The following SDK1 variants were observed in gnomAD, a reference collection of about 807,000 sequenced individuals.
SDK1 encodes the protein protein sidekick-1.
In SDK1, 157 loss-of-function variants were observed where a neutral mutation model predicts 245.5. That is an observed-to-expected ratio of 0.64 (90% CI 0.56 to 0.73). The LOEUF is 0.73. Among genes scored for constraint, SDK1 ranks in the 30% least tolerant of loss-of-function variants. The probability of loss-of-function intolerance (pLI) is 0.00; values close to 1 mark genes in which losing one functional copy is unlikely to be tolerated. For synonymous variants in SDK1, 1,647 were observed against 1,278.5 expected (o/e 1.29, Z -6.15); for missense variants, 3,583 against 3,002.3 (o/e 1.19, Z -4.52).
chr7:4,110,506 C>T (rs937016438), intron 22 of SDK1, among the ~76,000 whole-genome samples, 157 bp from the exon 23 acceptor site: 3 of 152,172 alleles, frequency 2.0e-5, no homozygotes, highest in African/African-American at 7.2e-5. Context: ...ATCTCCAAGG[C>T]ACAAGAGGGG....
chr7:3,487,961 C>G (rs955894465), intron 1 of SDK1, among the ~76,000 whole-genome samples: 1 of 152,028 alleles, frequency 6.6e-6, no homozygotes, highest in Non-Finnish European at 1.5e-5. Context: ...GCATCTGTGT[C>G]TGTGGTATTG....
At chr7:4,253,283 C>CT (rs1349212624) in intron 44 of SDK1, among the ~76,000 whole-genome samples, 1 of 152,126 alleles carries the variant, frequency 6.6e-6, no homozygotes, top group Non-Finnish European at 1.5e-5. Context: ...AAATTCCCCT[C>CT]TAAGCACTGT....
chr7:3,883,604 A>C (rs553180529), intron 5 of SDK1, among the ~76,000 whole-genome samples: 13 of 152,320 alleles, frequency 8.5e-5, no homozygotes, highest in African/African-American at 3.1e-4. Context: ...CAGATCGTGC[A>C]GGCCTTTGAC....
Position 4,210,086 on chromosome 7 carries a change from C to A in SDK1, c.5463C>A (p.Ser1821=). 5.6e-6 allele frequency: 9 copies of A among 1,610,858 alleles called. No homozygotes were observed. The highest frequency in any genetic ancestry group is 7.6e-6 in the Non-Finnish European group (9 of 1,178,796). ...TAACCTCCACCACGCTCAACGTGTCCTGGGGCGAGCCTGCGGCGGCCAACG... is the reference window on the plus strand; with the variant it reads ...TAACCTCCACCACGCTCAACGTGTCATGGGGCGAGCCTGCGGCGGCCAACG... The part of the protein sequence containing the change: ...SEITSTTLNV[S]WGEPAAANGI... The change falls in exon 38 of 45, where the codon TCC becomes TCA. Residue 1821 remains serine (S), a synonymous_variant. Coordinates refer to ENST00000404826, the MANE Select transcript of SDK1 (RefSeq NM_152744.4).
intron 1 of SDK1, among the ~76,000 whole-genome samples, chr7:3,486,465 C>A (rs1473596765): frequency 6.6e-6 from 1 of 151,770 alleles, no homozygotes; most frequent in Non-Finnish European, 1.5e-5. Flanking sequence ...TTTGTTTTTA[C>A]CCCCCTAATT....
chr7:3,874,537 A>G (rs1019737134), intron 5 of SDK1, among the ~76,000 whole-genome samples: 3 of 152,012 alleles, frequency 2.0e-5, no homozygotes, highest in Non-Finnish European at 2.9e-5. Flanking sequence ...CTCCTTCCCT[A>G]CCTGTCATGC....
chr7:3,622,204 G>A (rs141807010), intron 2 of SDK1, among the ~76,000 whole-genome samples: 17 of 152,286 alleles, frequency 1.1e-4, no homozygotes, highest in Middle Eastern at 3.4e-3. Context: ...TAGGCCCGGC[G>A]CAGTGGCTCA....
chr7:3,953,149 T>A (rs1304952217), intron 7 of SDK1, among the ~76,000 whole-genome samples: 1 of 148,472 alleles, frequency 6.7e-6, no homozygotes, highest in Admixed American at 6.8e-5. Flanking sequence ...AAATTTGCAG[T>A]CTGCCACTTT....
intron 5 of SDK1, among the ~76,000 whole-genome samples, chr7:3,949,560 C>T (rs774941800): frequency 9.2e-5 from 14 of 152,198 alleles, no homozygotes; most frequent in Non-Finnish European, 1.9e-4. Context: ...AAGCGTTTTG[C>T]GTTTGCAGTC....
intron 1 of SDK1, among the ~76,000 whole-genome samples, chr7:3,533,899 T>C (rs1239506683): frequency 6.6e-6 from 1 of 152,210 alleles, no homozygotes; most frequent in Non-Finnish European, 1.5e-5. Flanking sequence ...AAAACTGTTA[T>C]TTTCTTGTAA....
At chr7:3,822,458 T>A (rs554504080) in intron 5 of SDK1, among the ~76,000 whole-genome samples, 1 of 152,146 alleles carries the variant, frequency 6.6e-6, no homozygotes, top group South Asian at 2.1e-4. Context: ...AGGAATCGTT[T>A]CCCCTGCAAG....
chr7:4,050,722 C>T (rs1282567748), intron 18 of SDK1, among the ~76,000 whole-genome samples: 1 of 151,804 alleles, frequency 6.6e-6, no homozygotes, highest in African/African-American at 2.4e-5. Context: ...AAGATTATTG[C>T]TGTTGAATCA....
intron 17 of SDK1, among the ~76,000 whole-genome samples, chr7:4,047,458 T>C (rs1228269529): frequency 6.6e-6 from 1 of 152,226 alleles, no homozygotes; most frequent in Non-Finnish European, 1.5e-5. Context: ...ATAGTTTTCC[T>C]TCAGAGGCTT....
chr7:3,911,213 T>C (rs759327082), intron 5 of SDK1, among the ~76,000 whole-genome samples: 1 of 152,212 alleles, frequency 6.6e-6, no homozygotes, highest in Non-Finnish European at 1.5e-5. Flanking sequence ...GATTGTTCCT[T>C]CTGCCTGTGA....
At chr7:3,554,666 A>G (rs1350148108) in intron 1 of SDK1, among the ~76,000 whole-genome samples, 1 of 152,228 alleles carries the variant, frequency 6.6e-6, no homozygotes, top group African/African-American at 2.4e-5. Context: ...GGAGAGTAGG[A>G]GAGATAGTCT....
At chr7:3,737,556 T>C (rs1779351378) in intron 4 of SDK1, among the ~76,000 whole-genome samples, 1 of 152,220 alleles carries the variant, frequency 6.6e-6, no homozygotes, top group Non-Finnish European at 1.5e-5. Flanking sequence ...CCTGGCCAGA[T>C]GGTGACACTG....
intron 1 of SDK1, among the ~76,000 whole-genome samples, chr7:3,598,802 T>C (rs1758916156): frequency 6.6e-6 from 1 of 152,350 alleles, no homozygotes; most frequent in African/African-American, 2.4e-5. Context: ...GTTTGTTCCA[T>C]TTTATTAGTG....
chr7:4,008,360 C>A (rs898997128), intron 14 of SDK1, among the ~76,000 whole-genome samples: 2 of 152,246 alleles, frequency 1.3e-5, no homozygotes, highest in African/African-American at 2.4e-5. Context: ...ACAAAAGATT[C>A]TTAGCAAAGC....
chr7:3,842,503 A>T (rs1562483840), intron 5 of SDK1, among the ~76,000 whole-genome samples: 1 of 151,992 alleles, frequency 6.6e-6, no homozygotes, highest in African/African-American at 2.4e-5. Flanking sequence ...TGGCATGGTG[A>T]ATTGGTGCCA....
Sources: allele counts gnomAD v4.1 joint callset (sites outside exome capture counted in the v4.1 genomes callset), GRCh38; gene constraint gnomAD v4.1.1; transcripts MANE v1.5; gene names NCBI Gene and HGNC (gene_info 2026-07-23, HGNC 2026-07-21).